Variants in COMMD1 observed in about 807,000 individuals in gnomAD.
The protein encoded by COMMD1 is COMM domain-containing protein 1.
In COMMD1, 10 loss-of-function variants were observed where a neutral mutation model predicts 17.2. The observed-to-expected ratio is 0.58, with a 90% CI of 0.36 to 0.99. COMMD1 has a LOEUF of 0.99. COMMD1 is among the 50% of genes least tolerant of loss of function. COMMD1 has a pLI of 0.01. For missense variants in COMMD1, 270 were observed against 231.8 expected, an observed-to-expected ratio of 1.17 and a Z score of -1.07; for synonymous variants, 97 against 91.6, an observed-to-expected ratio of 1.06 and a Z score of -0.34.
At position 61,940,025 on chromosome 2, in the gene COMMD1, G is replaced by T. The variant is rs148363643; in HGVS notation, c.180+34167G>T. Among the ~76,000 whole-genome samples the T allele has an allele frequency of 2.6e-3, 393 of 152,288 alleles. 2 individuals carry two copies. The highest frequency in any genetic ancestry group is 2.0e-3 in the Non-Finnish European group (134 of 68,022). The stretch of plus-strand genomic sequence containing the variant: ...CACCTTTATTTCCATTAGCATAGGG[G>T]TAGCTCAAGCCAATATTCCATAACA... On this transcript the variant is annotated intron_variant, in intron 1 of 2. Coordinates refer to ENST00000311832, the MANE Select transcript of COMMD1 (RefSeq NM_152516.4).
At chr2:62,131,306 A>G (rs1414364931) in intron 2 of COMMD1, among the ~76,000 whole-genome samples, 2 of 152,202 alleles carry the variant, frequency 1.3e-5, no homozygotes, top group East Asian at 3.8e-4. Flanking sequence ...ACTCTACTCC[A>G]TACTGCATCC....
intron 1 of COMMD1, among the ~76,000 whole-genome samples, chr2:61,907,778 C>T (rs1341641728): frequency 6.6e-6 from 1 of 152,092 alleles, no homozygotes; most frequent in East Asian, 1.9e-4. Flanking sequence ...ACAACCTCCG[C>T]CTCCCGGGTT....
At chr2:61,959,145 A>G (rs1671274874) in intron 1 of COMMD1, among the ~76,000 whole-genome samples, 2 of 152,254 alleles carry the variant, frequency 1.3e-5, no homozygotes, top group South Asian at 4.2e-4. Flanking sequence ...ACTGTTTACG[A>G]TGGTTTCACC....
chr2:61,949,180 G>A (rs1337224926), intron 1 of COMMD1, among the ~76,000 whole-genome samples: 1 of 152,214 alleles, frequency 6.6e-6, no homozygotes, highest in African/African-American at 2.4e-5. Flanking sequence ...CAATAAGAAA[G>A]GAAGGGAAAG....
intron 2 of COMMD1, among the ~76,000 whole-genome samples, chr2:62,040,399 C>T (rs1359257757): frequency 3.9e-5 from 6 of 152,176 alleles, no homozygotes. Context: ...AACTCATTTT[C>T]TTTCCCTATG....
rs559740869 is a variant in COMMD1 at position 61,973,060 on chromosome 2, A to G, written c.181-27641A>G. Reference sequence around the variant, plus strand: ...TTGCTTTTTTTGTTATTATTGTTCAATTTTGGTGTTTGTGCTTTATCCATG... The same window carrying G: ...TTGCTTTTTTTGTTATTATTGTTCAGTTTTGGTGTTTGTGCTTTATCCATG... On this transcript the variant is annotated intron_variant, in intron 1 of 2. Coordinates refer to ENST00000311832, the MANE Select transcript of COMMD1 (RefSeq NM_152516.4). Among the ~76,000 whole-genome samples the G allele has an allele frequency of 9.2e-4, 140 of 152,046 alleles. 2 individuals are homozygous for G. The highest frequency in any genetic ancestry group is 2.8e-3 in the African/African-American group (115 of 41,482).
At chr2:61,920,909 A>G (rs1670172702) in intron 1 of COMMD1, among the ~76,000 whole-genome samples, 1 of 150,182 alleles carries the variant, frequency 6.7e-6, no homozygotes, top group African/African-American at 2.4e-5. Flanking sequence ...GTGTGTGTAT[A>G]TATATGTATG....
chr2:61,941,560 C>A (rs752051928), intron 1 of COMMD1, among the ~76,000 whole-genome samples: 19 of 152,114 alleles, frequency 1.2e-4, no homozygotes, highest in Admixed American at 2.0e-4. Context: ...GTTTCATCTG[C>A]GGTGCTCTAC....
upstream of COMMD1, among the ~76,000 whole-genome samples, chr2:61,903,663 C>T (rs1377498532): frequency 6.6e-6 from 1 of 151,770 alleles, no homozygotes; most frequent in African/African-American, 2.4e-5. Flanking sequence ...AGCAATTCTC[C>T]TGCCTCAGCC....
At chr2:62,075,751 A>G (rs1247346746) in intron 2 of COMMD1, among the ~76,000 whole-genome samples, 2 of 152,194 alleles carry the variant, frequency 1.3e-5, no homozygotes, top group Non-Finnish European at 2.9e-5. Flanking sequence ...CTAACAACAC[A>G]TGTTTTAAGT....
intron 2 of COMMD1, among the ~76,000 whole-genome samples, chr2:62,130,274 T>G (rs1435631253): frequency 6.6e-6 from 1 of 151,430 alleles, no homozygotes; most frequent in East Asian, 1.9e-4. Flanking sequence ...ATGTGACTTT[T>G]TTTTTTTTTT....
chr2:62,032,820 G>T (rs1297291765), intron 2 of COMMD1, among the ~76,000 whole-genome samples: 3 of 151,974 alleles, frequency 2.0e-5, no homozygotes, highest in Admixed American at 2.0e-4. Context: ...GTCTAGGCTG[G>T]AGTGCAATGG....
chr2:61,888,795 A>G (rs945790890), exon 1 of COMMD1: 5 of 472,986 alleles, frequency 1.1e-5, no homozygotes, highest in East Asian at 3.9e-5. Flanking sequence ...CGCCGGGGGA[A>G]CCTTTACGCG....
chr2:62,029,390 A>G (rs1023780949), intron 2 of COMMD1, among the ~76,000 whole-genome samples: 3 of 151,994 alleles, frequency 2.0e-5, no homozygotes, highest in Admixed American at 2.0e-4. Flanking sequence ...ATTTTTTATT[A>G]TGGAAACTTA....
At chr2:62,010,872 G>A (rs772606671) in intron 2 of COMMD1, among the ~76,000 whole-genome samples, 3 of 152,194 alleles carry the variant, frequency 2.0e-5, no homozygotes, top group African/African-American at 7.2e-5. Context: ...TCAACACACA[G>A]CATCCAGAAT....
chr2:62,031,155 ATTGACC>A (rs1669899085), intron 2 of COMMD1, among the ~76,000 whole-genome samples: 1 of 152,182 alleles, frequency 6.6e-6, no homozygotes, highest in South Asian at 2.1e-4. Context: ...TGTGTTGGCA[ATTGACC>A]TTATTCTCTA....
At chr2:61,889,678 TGAGGC>T (rs1311339259) in intron 1 of COMMD1, among the ~76,000 whole-genome samples, 1 of 152,058 alleles carries the variant, frequency 6.6e-6, no homozygotes, top group Non-Finnish European at 1.5e-5. Context: ...AGATTTGGAA[TGAGGC>T]GAGGTTAGTT....
chr2:62,104,808 G>T (rs1300651690), intron 2 of COMMD1, among the ~76,000 whole-genome samples: 1 of 151,910 alleles, frequency 6.6e-6, no homozygotes, highest in African/African-American at 2.4e-5. Context: ...TGTCTTCTAG[G>T]TTCAAGAAAC....
intron 2 of COMMD1, among the ~76,000 whole-genome samples, chr2:62,015,230 G>A (rs1457904036): frequency 3.3e-5 from 5 of 152,034 alleles, no homozygotes; most frequent in Non-Finnish European, 5.9e-5. Context: ...TTTTTTCTCT[G>A]TGTATTTGCC....
Sources: allele counts gnomAD v4.1 joint callset (sites outside exome capture counted in the v4.1 genomes callset), GRCh38; gene constraint gnomAD v4.1.1; transcripts MANE v1.5; gene names NCBI Gene and HGNC (gene_info 2026-07-23, HGNC 2026-07-21).